The following OPCML variants were observed in gnomAD, a reference collection of about 807,000 sequenced individuals.
OPCML encodes opioid-binding protein/cell adhesion molecule.
A neutral mutation model predicts 37.8 loss-of-function variants in OPCML; 13 were observed. The observed-to-expected ratio is 0.34, with a 90% CI of 0.22 to 0.55. The LOEUF (loss-of-function observed/expected upper bound fraction) is 0.55. OPCML is among the 20% of genes least tolerant of loss of function. The pLI is 0.91. For synonymous variants in OPCML, 176 were observed against 168.8 expected (o/e 1.04, Z -0.33); for missense variants, 341 against 435.6 (o/e 0.78, Z 1.93).
intron 1 of OPCML, among the ~76,000 whole-genome samples, chr11:133,417,657 C>T (rs1945798041): frequency 6.6e-6 from 1 of 151,126 alleles, no homozygotes; most frequent in Non-Finnish European, 1.5e-5. Context: ...ACAGTAGTCC[C>T]CAGTATGTGA....
At chr11:132,882,126 G>A (rs1360478268) in intron 2 of OPCML, among the ~76,000 whole-genome samples, 3 of 152,106 alleles carry the variant, frequency 2.0e-5, no homozygotes, top group Admixed American at 6.6e-5. Context: ...TACAGAGGAG[G>A]GGGAGGGTAA....
intron 1 of OPCML, among the ~76,000 whole-genome samples, chr11:133,096,021 C>A (rs1948996674): frequency 6.6e-6 from 1 of 151,980 alleles, no homozygotes; most frequent in South Asian, 2.1e-4. Context: ...AGGAAGTGCA[C>A]TGAAGAATGA....
chr11:132,620,796 C>G (rs573865190), intron 3 of OPCML, among the ~76,000 whole-genome samples: 1 of 152,178 alleles, frequency 6.6e-6, no homozygotes, highest in Admixed American at 6.5e-5. Context: ...GAGTGAACAC[C>G]TTGGATGTCT....
At chr11:132,567,319 T>C (rs956786977) in intron 3 of OPCML, among the ~76,000 whole-genome samples, 4 of 152,236 alleles carry the variant, frequency 2.6e-5, no homozygotes, top group Non-Finnish European at 5.9e-5. Flanking sequence ...ATGAGGTTAT[T>C]GGTCTAACCC....
intron 1 of OPCML, among the ~76,000 whole-genome samples, chr11:133,170,634 G>A (rs566226474): frequency 1.4e-4 from 22 of 152,026 alleles, no homozygotes; most frequent in Non-Finnish European, 2.6e-4. Flanking sequence ...CTAAACTTGA[G>A]TTTTAGTTTA....
intron 2 of OPCML, among the ~76,000 whole-genome samples, chr11:132,761,739 C>A (rs1210833692): frequency 6.6e-6 from 1 of 152,112 alleles, no homozygotes; most frequent in Non-Finnish European, 1.5e-5. Flanking sequence ...AGCTTCCTTG[C>A]ATTGGGTTAG....
At chr11:133,236,500 T>A (rs1171112758) in intron 1 of OPCML, among the ~76,000 whole-genome samples, 2 of 146,022 alleles carry the variant, frequency 1.4e-5, no homozygotes, top group Admixed American at 6.8e-5. Flanking sequence ...AAGTAGAGGT[T>A]CCTTTTCAAA....
At chr11:133,080,775 T>C (rs1175489681) in intron 1 of OPCML, among the ~76,000 whole-genome samples, 1 of 152,182 alleles carries the variant, frequency 6.6e-6, no homozygotes, top group Non-Finnish European at 1.5e-5. Context: ...TTTTATTGCT[T>C]CCATCCTTTA....
intron 1 of OPCML, among the ~76,000 whole-genome samples, chr11:133,222,325 C>A (rs1477887667): frequency 6.6e-6 from 1 of 152,152 alleles, no homozygotes; most frequent in Non-Finnish European, 1.5e-5. Context: ...ACTCGCCAGG[C>A]AGGAGGTGAA....
intron 7 of OPCML, chr11:132,435,176 G>A: frequency 3.1e-6 from 4 of 1,289,628 alleles, no homozygotes; most frequent in Non-Finnish European, 4.0e-6. Flanking sequence ...TGCTGATGAG[G>A]GGCTTATTTC....
intron 1 of OPCML, among the ~76,000 whole-genome samples, chr11:133,449,841 C>G (rs12278770): frequency 0.26 from 39,415 of 151,218 alleles, 6,482 homozygotes; most frequent in African/African-American, 0.43. Context: ...TGCATTTTGT[C>G]GGGGGGCCAC....
At chr11:133,309,508 G>A (rs888522136) in intron 1 of OPCML, among the ~76,000 whole-genome samples, 19 of 152,136 alleles carry the variant, frequency 1.2e-4, no homozygotes, top group African/African-American at 4.6e-4. Flanking sequence ...AAGAAGACAC[G>A]ACAACTAAAT....
chr11:133,410,791 A>G (rs1168076840), intron 1 of OPCML, among the ~76,000 whole-genome samples: 1 of 152,144 alleles, frequency 6.6e-6, no homozygotes, highest in African/African-American at 2.4e-5. Context: ...GCAGAACGGC[A>G]TCACTTGACG....
In OPCML at chr11:132,551,092, C is replaced by T. The variant is rs188229713; in HGVS notation, c.380-21906G>A. On this transcript the variant is annotated intron_variant, in intron 3 of 7. Transcript: ENST00000524381. ...AGATGGGCCCTTTCTCAGTGCAGCA[C>T]AAAATAGAGTTCTGTGAGTTACTCT... 3.3e-5 allele frequency among the ~76,000 whole-genome samples: 5 copies of T among 152,262 alleles called. No individual in the cohort carries two copies. In the East Asian group the frequency reaches 5.8e-4, roughly 18 times the overall value.
At chr11:133,249,157 A>T (rs1941045857) in intron 1 of OPCML, among the ~76,000 whole-genome samples, 1 of 152,164 alleles carries the variant, frequency 6.6e-6, no homozygotes, top group Non-Finnish European at 1.5e-5. Context: ...TTATAAAGAA[A>T]AGAGGTTTCT....
intron 1 of OPCML, among the ~76,000 whole-genome samples, chr11:133,253,115 C>T (rs1388780569): frequency 6.9e-6 from 1 of 144,318 alleles, no homozygotes; most frequent in Non-Finnish European, 1.5e-5. Context: ...CATTGCACTC[C>T]AGCCTGGGTG....
chr11:132,684,691 C>T (rs908288328), intron 2 of OPCML, among the ~76,000 whole-genome samples: 1 of 152,160 alleles, frequency 6.6e-6, no homozygotes. Context: ...CATCTATACA[C>T]AAAGAATTAA....
chr11:133,027,182 T>C (rs1023748554), intron 1 of OPCML, among the ~76,000 whole-genome samples: 4 of 152,228 alleles, frequency 2.6e-5, no homozygotes, highest in Non-Finnish European at 4.4e-5. Flanking sequence ...ACTAAGCATC[T>C]GATGTTCCTG....
At position 133,174,347 on chromosome 11, in the gene OPCML, C is replaced by T. The variant is rs183167003; in HGVS notation, c.62-231337G>A. On this transcript the variant is annotated intron_variant, in intron 1 of 7. Coordinates refer to ENST00000524381, the MANE Select transcript of OPCML (RefSeq NM_001012393.5). This position sits in a 1 kb window ranked among gnomAD's most constrained non-coding sequence, Gnocchi z 4.6. ...CTAGGTTCCAGGTCAGATGAAATGG[C>T]CATTTCTAGTTTCTCAAAAGCCCCA... Among the ~76,000 whole-genome samples the T allele has an allele frequency of 9.2e-5, 14 of 152,188 alleles. No homozygotes were observed. Among genetic ancestry groups the T allele is most frequent in the Admixed American group, 7.2e-4 (11 of 15,296 alleles).
Sources: allele counts gnomAD v4.1 joint callset (sites outside exome capture counted in the v4.1 genomes callset), GRCh38; gene constraint gnomAD v4.1.1; non-coding constraint Gnocchi (gnomAD v3.1); transcripts MANE v1.5; gene names NCBI Gene and HGNC (gene_info 2026-07-23, HGNC 2026-07-21).